Variants in SMG1 observed in about 807,000 individuals in gnomAD.
SMG1 encodes the protein serine/threonine-protein kinase SMG1.
Under a neutral mutation model 419.9 loss-of-function variants are expected in SMG1, and 22 were observed. The ratio of observed to expected loss-of-function variants is 0.05; its 90% confidence interval spans 0.04 to 0.07. The LOEUF is 0.07. SMG1 is among the 10% of genes least tolerant of loss of function. The pLI is 1.00. For synonymous variants in SMG1, 1,538 were observed against 1,553.5 expected, an observed-to-expected ratio of 0.99 and a Z score of 0.23; for missense variants, 3,185 against 4,342.0, an observed-to-expected ratio of 0.73 and a Z score of 7.49.
At chr16:18,888,471 A>G (rs1012350255) in intron 6 of SMG1, among the ~76,000 whole-genome samples, 3 of 140,720 alleles carry the variant, frequency 2.1e-5, no homozygotes, top group Non-Finnish European at 4.8e-5. Flanking sequence ...CAAAGAGGAA[A>G]AAAATCCTTT....
chr16:18,890,732 G>A lies in SMG1; in HGVS notation c.608+131C>T. The A allele has an allele frequency of 6.3e-6, 4 of 630,388 alleles. No individual in the cohort carries two copies. The South Asian group carries it at 7.5e-5, about 12-fold the overall frequency. 39.0% of individuals were successfully genotyped at this position (630,388 alleles called of 1,614,324 possible). On this transcript the variant is annotated intron_variant, in intron 5 of 62. Coordinates refer to ENST00000446231, the MANE Select transcript of SMG1 (RefSeq NM_015092.5). Reference sequence around the variant, plus strand: ...ACACATAATTAATGCAGATAAAAATGACAAGACCCACTGAAATGTCAATAG... The same window carrying A: ...ACACATAATTAATGCAGATAAAAATAACAAGACCCACTGAAATGTCAATAG...
rs1162456364 is a variant in SMG1, at chr16:18,809,468, G to C, written c.*101C>G. 5 of 842,834 alleles carry C rather than the reference G, an allele frequency of 5.9e-6. No homozygotes were observed. The South Asian group carries it at 7.3e-5, about 12-fold the overall frequency. The allele number at this position is 842,834 out of a possible 1,614,324, so 52.2% of individuals were successfully genotyped here. On this transcript the variant is annotated 3_prime_UTR_variant, in exon 63 of 63. Coordinates refer to ENST00000446231, the MANE Select transcript of SMG1 (RefSeq NM_015092.5). ...GTTTCCTCAGAGTAAGCCCCCAGTT[G>C]CATCACCACCGACTGTGGTGTGGCT...
Position 18,839,758 on chromosome 16 carries a change from G to T in SMG1, c.6885C>A (p.Leu2295=). ...AAGATGACCAGAGCTCTTTGGCAAG[G>T]AGATTCGGGGGTGTGGCCTCCATTA... ...EELMEATPPN[L]LAKELWSSCT... The change falls in exon 42 of 63, where the codon CTC becomes CTA. Residue 2295 remains leucine (L), a synonymous_variant. Coordinates refer to ENST00000446231, the MANE Select transcript of SMG1 (RefSeq NM_015092.5). 1 of 1,614,018 alleles carries T rather than the reference G, an allele frequency of 6.2e-7. No homozygotes were observed. Among genetic ancestry groups the T allele is most frequent in the East Asian group, 2.2e-5 (1 of 44,882 alleles).
chr16:18,814,700 G>C (rs933505534), intron 60 of SMG1, among the ~76,000 whole-genome samples: 1 of 150,774 alleles, frequency 6.6e-6, no homozygotes, highest in Non-Finnish European at 1.5e-5. Flanking sequence ...TCAGCCTCCT[G>C]AGTAGCTGGG....
chr16:18,907,326 C>T (rs2037602836), intron 1 of SMG1, among the ~76,000 whole-genome samples: 1 of 151,896 alleles, frequency 6.6e-6, no homozygotes, highest in African/African-American at 2.4e-5. Context: ...CACCTAAATG[C>T]ACCAAGTTCA....
chr16:18,849,268 A>G lies in SMG1; in HGVS notation c.5572T>C (p.Tyr1858His), dbSNP rs777960571. 6.2e-7 allele frequency: 1 copy of G among 1,613,448 alleles called. No individual in the cohort carries two copies. Among genetic ancestry groups the G allele is most frequent in the South Asian group, 1.1e-5 (1 of 91,058 alleles). ...VAQDSPHLIL[Y>H]PAIVGTISLS... ...GATATGGTACCCACTATTGCAGGATACAATATGAGATGTGGGGAATCTTGA... is the reference window on the plus strand; with the variant it reads ...GATATGGTACCCACTATTGCAGGATGCAATATGAGATGTGGGGAATCTTGA... Residue 1858 changes from tyrosine (Y) to histidine (H), a missense_variant, in exon 36 of 63, where the codon TAT becomes CAT. By Grantham distance (83) the Tyr-to-His change is moderately conservative. Coordinates refer to ENST00000446231, the MANE Select transcript of SMG1 (RefSeq NM_015092.5).
chr16:18,837,183 TGATG>T, intron 46 of SMG1, 66 bp downstream of exon 46: 3 of 1,313,798 alleles, frequency 2.3e-6, no homozygotes, highest in Non-Finnish European at 3.1e-6. Context: ...TAATCCATAT[TGATG>T]TTTACATGAA....
At chr16:18,903,703 C>G (rs2037439480) in intron 1 of SMG1, among the ~76,000 whole-genome samples, 1 of 152,220 alleles carries the variant, frequency 6.6e-6, no homozygotes, top group Admixed American at 6.5e-5. Flanking sequence ...TAAGGTTGCA[C>G]AGCTTGTAAA....
chr16:18,864,689 G>A (rs1044690021), intron 23 of SMG1, among the ~76,000 whole-genome samples: 3 of 151,904 alleles, frequency 2.0e-5, no homozygotes, highest in African/African-American at 7.3e-5. Flanking sequence ...GTTGGCCAGG[G>A]TGATCTCAAA....
intron 41 of SMG1, 116 bp from the exon 42 acceptor site, chr16:18,840,062 AT>A (rs2033826871): frequency 1.3e-6 from 1 of 763,510 alleles, no homozygotes; most frequent in African/African-American, 1.8e-5. Flanking sequence ...GCATTCTCTC[AT>A]TACTCAACTA....
In SMG1 at chr16:18,843,735, A is replaced by T. The variant is rs537721496; in HGVS notation, c.6220-1281T>A. Among the ~76,000 whole-genome samples the T allele has an allele frequency of 4.6e-5, 7 of 152,346 alleles. No individual in the cohort carries two copies. The South Asian group carries it at 1.4e-3, about 32-fold the overall frequency. On this transcript the variant is annotated intron_variant, in intron 39 of 62. Coordinates refer to ENST00000446231, the MANE Select transcript of SMG1 (RefSeq NM_015092.5). ...TATGATCTCATTCGTAGAAGTTCAAAAACAGGCGGAAACTAAACAGTGTCA... is the reference window on the plus strand; with the variant it reads ...TATGATCTCATTCGTAGAAGTTCAATAACAGGCGGAAACTAAACAGTGTCA...
At chr16:18,898,334 T>C (rs1029555858) in intron 1 of SMG1, among the ~76,000 whole-genome samples, 2 of 152,168 alleles carry the variant, frequency 1.3e-5, no homozygotes, top group Non-Finnish European at 2.9e-5. Flanking sequence ...ATAAGGAGTA[T>C]CTTCTAATAT....
chr16:18,907,410 G>A (rs2037606180), intron 1 of SMG1, among the ~76,000 whole-genome samples: 2 of 151,898 alleles, frequency 1.3e-5, no homozygotes, highest in Non-Finnish European at 2.9e-5. Flanking sequence ...ACATTGTAGT[G>A]CAGTGTGTTA....
intron 60 of SMG1, among the ~76,000 whole-genome samples, chr16:18,813,898 G>A (rs1023293935): frequency 6.6e-6 from 1 of 151,424 alleles, no homozygotes; most frequent in African/African-American, 2.4e-5. Context: ...GGGCGTGGTG[G>A]CAGGTTCTTG....
rs183226742 is a variant in SMG1 at position 18,875,845 on chromosome 16, T to C, written c.1890+279A>G. On this transcript the variant is annotated intron_variant, in intron 13 of 62. Coordinates refer to ENST00000446231, the MANE Select transcript of SMG1 (RefSeq NM_015092.5). The stretch of plus-strand genomic sequence containing the variant: ...ACACTGACATTTTCTATAAGCATGC[T>C]AGAGCAAATAGGAGAAATTCATAAG... The C allele has an allele frequency of 1.4e-4, 70 of 508,538 alleles. 1 individual carries two copies. Among genetic ancestry groups the C allele is most frequent in the African/African-American group, 1.3e-3 (69 of 51,354 alleles). The allele number at this position is 508,538 out of a possible 1,614,324, so 31.5% of individuals were successfully genotyped here.
intron 38 of SMG1, among the ~76,000 whole-genome samples, chr16:18,846,060 C>T (rs1029205080): frequency 2.6e-5 from 4 of 152,066 alleles, no homozygotes; most frequent in Admixed American, 2.0e-4. Flanking sequence ...GTGATCCGCC[C>T]GCCTCAGCCT....
chr16:18,819,765 G>GT (rs2032348765), intron 55 of SMG1, 111 bp from the exon 56 acceptor site: 2 of 1,116,906 alleles, frequency 1.8e-6, no homozygotes, highest in African/African-American at 1.6e-5. Flanking sequence ...GTGGACACAT[G>GT]TAATTTAGAA....
chr16:18,841,616 A>G lies in SMG1; in HGVS notation c.6645T>C (p.Phe2215=). 1 of 1,613,980 alleles carries G rather than the reference A, an allele frequency of 6.2e-7. No homozygotes were observed. The highest frequency in any genetic ancestry group is 8.5e-7 in the Non-Finnish European group (1 of 1,179,890). Reference sequence around the variant, plus strand: ...GTTGTTGCCATCGTTTGTAAAGACCAAATAAGGGTGTGGCTCCATCTACCC... The same window carrying G: ...GTTGTTGCCATCGTTTGTAAAGACCGAATAAGGGTGTGGCTCCATCTACCC... The part of the protein sequence containing the change: ...IQWVDGATPL[F]GLYKRWQQRE... The change falls in exon 41 of 63, where the codon TTT becomes TTC. Residue 2215 remains phenylalanine, a synonymous_variant. Transcript: ENST00000446231.
intron 1 of SMG1, 138 bp downstream of exon 1, chr16:18,925,812 G>C: frequency 1.7e-6 from 1 of 579,204 alleles, no homozygotes; most frequent in Non-Finnish European, 2.8e-6. Flanking sequence ...AGCCGGGGCG[G>C]AGGAGACCCA....
Sources: gnomAD v4.1 joint callset for allele counts (sites outside exome capture counted in the v4.1 genomes callset) on GRCh38, gnomAD v4.1.1 for gene constraint, MANE v1.5 for transcripts, NCBI Gene and HGNC (gene_info 2026-07-23, HGNC 2026-07-21) for gene names.